The following MS4A4E variants were observed in gnomAD, a reference collection of about 807,000 sequenced individuals.
MS4A4E encodes the protein membrane spanning 4-domains A4E, also known as putative membrane-spanning 4-domains subfamily A member 4E.
In MS4A4E, 23 loss-of-function variants were observed where a neutral mutation model predicts 13.3. That is an observed-to-expected ratio of 1.73 (90% CI 1.25 to 2.45). The LOEUF (loss-of-function observed/expected upper bound fraction) is 2.45, where lower values mean the gene tolerates loss of function less well. Ranked by LOEUF, MS4A4E falls within the 30% of genes most tolerant of loss-of-function variation. MS4A4E has a pLI of 0.00. For missense variants in MS4A4E, 144 were observed against 131.2 expected (o/e 1.10, Z -0.48); for synonymous variants, 36 against 45.6 (o/e 0.79, Z 0.85).
chr11:60,231,138 A>C (rs909731186), intron 1 of MS4A4E, among the ~76,000 whole-genome samples: 1 of 152,166 alleles, frequency 6.6e-6, no homozygotes, highest in Admixed American at 6.5e-5. Context: ...TGGGAGAAGG[A>C]GGGTGAATTT....
chr11:60,225,757 G>T (rs1164413021), intron 3 of MS4A4E, among the ~76,000 whole-genome samples: 1 of 150,988 alleles, frequency 6.6e-6, no homozygotes, highest in African/African-American at 2.4e-5. Context: ...AAAAAGAAAA[G>T]CAAATTAAAC....
At position 60,201,574 on chromosome 11, in the gene MS4A4E, C is replaced by A; in HGVS notation, c.965G>T (p.Arg322Met). 1 of 325,044 alleles carries A rather than the reference C, an allele frequency of 3.1e-6. No individual in the cohort carries two copies. Among genetic ancestry groups the A allele is most frequent in the Non-Finnish European group, 6.2e-6 (1 of 161,826 alleles). 20.1% of individuals were successfully genotyped at this position (325,044 alleles called of 1,614,324 possible). A position where few individuals can be genotyped will look rare whatever the true frequency, so the allele number is the denominator to read the frequency against. Residue 322 changes from arginine to methionine, a missense_variant, in exon 9 of 9, where the codon AGG becomes ATG. By Grantham distance (91) the Arg-to-Met change is moderately conservative (BLOSUM62 -1). Around this residue, in one of 3 missense-constraint regions of MS4A4E, gnomAD observed 21 missense variants for 25.1 expected, o/e 0.84. Transcript: ENST00000651255. ...GATGGGCGGCCGGGCGGAGACACTC[C>A]TCACCTCCCAGATGGGATGGTGGCC... is the stretch of plus-strand genomic sequence containing the variant. ...LPGHHPIWEV[R>M]SVSARPPIF is the part of the protein sequence containing the mutation.
chr11:60,240,872 A>G (rs1180885318), intron 1 of MS4A4E, among the ~76,000 whole-genome samples: 4 of 152,144 alleles, frequency 2.6e-5, no homozygotes, highest in African/African-American at 9.7e-5. Flanking sequence ...CATGTGGATT[A>G]CTCAACCTCT....
chr11:60,234,901 A>G (rs772221675), intron 1 of MS4A4E, among the ~76,000 whole-genome samples: 1 of 151,182 alleles, frequency 6.6e-6, no homozygotes, highest in African/African-American at 2.4e-5. Context: ...AAACAGATCT[A>G]TATGCTATAA....
rs35160855 is a variant in MS4A4E at position 60,212,310 on chromosome 11, C to CTTT, written c.381+661_381+663dup. Among the ~76,000 whole-genome samples, 59 of 137,838 alleles carry CTTT rather than the reference C, an allele frequency of 4.3e-4. 1 individual carries two copies. Among genetic ancestry groups the CTTT allele is most frequent in the African/African-American group, 9.7e-4 (36 of 37,242 alleles). The allele number at this position is 137,838 out of a possible 152,430, so 90.4% of individuals were successfully genotyped here. A position where few individuals can be genotyped will look rare whatever the true frequency, so the allele number is the denominator to read the frequency against. ...ATTATTTGAGAATAGGCACTGACAT[C>CTTT]TTTTTTTTTTTTTTTTTGAGACAGA... On this transcript the variant is annotated intron_variant, in intron 5 of 8. Transcript: ENST00000651255.
chr11:60,213,008 G>A lies in MS4A4E; in HGVS notation c.347C>T (p.Ser116Leu). 1 of 375,888 alleles carries A rather than the reference G, an allele frequency of 2.7e-6. No homozygotes were observed. The highest frequency in any genetic ancestry group is 4.7e-6 in the Non-Finnish European group (1 of 210,938). 23.3% of individuals were successfully genotyped at this position (375,888 alleles called of 1,614,324 possible). A position where few individuals can be genotyped will look rare whatever the true frequency, so the allele number is the denominator to read the frequency against. Reference protein sequence around the residue: ...RYHYCNHDQLSSNCYMTMSIL... With the variant: ...RYHYCNHDQLLSNCYMTMSIL... ...GGACATAGTCATGTAACAATTACTTGACAACTGATCGTGGTTACAGTAATG... is the reference window on the plus strand; with the variant it reads ...GGACATAGTCATGTAACAATTACTTAACAACTGATCGTGGTTACAGTAATG... Residue 116 changes from serine (S) to leucine (L), a missense_variant, in exon 5 of 9, where the codon TCA becomes TTA. Ser to Leu is a moderately radical substitution (Grantham distance 145, BLOSUM62 -2). Around this residue, in one of 3 missense-constraint regions of MS4A4E, gnomAD observed 119 missense variants for 88.7 expected, o/e 1.34. Coordinates refer to ENST00000651255, the MANE Select transcript of MS4A4E (RefSeq NM_001393391.1).
rs558505720 is a variant in MS4A4E, at chr11:60,229,121, C to T, written c.145-494G>A. ...GGAAGTTGATAATTGAAAAGCTATG[C>T]ATGTGTCGGGGCAAGGGGCATATGG... On this transcript the variant is annotated intron_variant, in intron 2 of 8. Coordinates refer to ENST00000651255, the MANE Select transcript of MS4A4E (RefSeq NM_001393391.1). Among the ~76,000 whole-genome samples, 4 of 152,306 alleles carry T rather than the reference C, an allele frequency of 2.6e-5. No individual in the cohort carries two copies. The East Asian group carries it at 7.7e-4, about 29-fold the overall frequency.
In MS4A4E at chr11:60,201,557, G is replaced by A. The variant is rs1422320971; in HGVS notation, c.982C>T (p.Pro328Ser). The change falls in exon 9 of 9, where the codon CCG becomes TCG. Residue 328 changes from proline to serine, a missense_variant. This residue lies in a region of MS4A4E where 21 missense variants were observed against 25.1 expected (regional missense o/e 0.84). Coordinates refer to ENST00000651255, the MANE Select transcript of MS4A4E (RefSeq NM_001393391.1). ...IWEVRSVSAR[P>S]PIF ...CTCCCCACATCTCAGAAGATGGGCG[G>A]CCGGGCGGAGACACTCCTCACCTCC... 1 of 313,270 alleles carries A rather than the reference G, an allele frequency of 3.2e-6. No individual in the cohort carries two copies. Among genetic ancestry groups the A allele is most frequent in the Non-Finnish European group, 6.4e-6 (1 of 155,686 alleles). The allele number at this position is 313,270 out of a possible 1,614,324, so 19.4% of individuals were successfully genotyped here.
chr11:60,219,258 G>A (rs537999116), intron 3 of MS4A4E, among the ~76,000 whole-genome samples: 1 of 152,284 alleles, frequency 6.6e-6, no homozygotes, highest in South Asian at 2.1e-4. Context: ...AGTAGAAACT[G>A]TAGTCACTCA....
chr11:60,208,817 A>G (rs2084081946), intron 5 of MS4A4E, 123 bp from the exon 6 acceptor site: 4 of 417,574 alleles, frequency 9.6e-6, no homozygotes, highest in South Asian at 5.8e-5. Flanking sequence ...CTGCCTCCCA[A>G]TGGCAGCCAT....
At position 60,214,640 on chromosome 11, in the gene MS4A4E, GA is replaced by G; in HGVS notation, c.179-27del. On this transcript the variant is annotated intron_variant, in intron 3 of 8. Transcript: ENST00000651255. The stretch of plus-strand genomic sequence containing the variant: ...CTGAAATAATAAAATAAGAATGAGA[GA>G]AAAAAATGGAGATAAAAAGTTTTAA... 3.5e-6 allele frequency: 5 copies of G among 1,437,118 alleles called. No homozygotes were observed. The East Asian group carries it at 7.6e-5, about 22-fold the overall frequency. 89.0% of individuals were successfully genotyped at this position (1,437,118 alleles called of 1,614,324 possible).
intron 1 of MS4A4E, among the ~76,000 whole-genome samples, chr11:60,240,528 C>T (rs1377452935): frequency 6.6e-6 from 1 of 152,140 alleles, no homozygotes; most frequent in Non-Finnish European, 1.5e-5. Context: ...ATTTCACCAC[C>T]TTTAGTATAA....
chr11:60,203,677 A>G (rs1020436879), intron 8 of MS4A4E, among the ~76,000 whole-genome samples: 3 of 152,190 alleles, frequency 2.0e-5, no homozygotes, highest in Non-Finnish European at 4.4e-5. Context: ...TAAGCCAAGG[A>G]GGTGGAGGTT....
chr11:60,216,505 G>T (rs1326173215), intron 3 of MS4A4E, among the ~76,000 whole-genome samples: 1 of 152,030 alleles, frequency 6.6e-6, no homozygotes, highest in Non-Finnish European at 1.5e-5. Flanking sequence ...TTGTGGTGAT[G>T]ATGTGAAATA....
intron 1 of MS4A4E, among the ~76,000 whole-genome samples, chr11:60,235,981 T>C (rs1480614780): frequency 3.9e-5 from 6 of 152,238 alleles, no homozygotes; most frequent in African/African-American, 1.4e-4. Context: ...TTCTTTTGCA[T>C]GTGAATCTGA....
chr11:60,213,907 T>C (rs1488299874), intron 4 of MS4A4E, among the ~76,000 whole-genome samples: 1 of 150,290 alleles, frequency 6.7e-6, no homozygotes. Flanking sequence ...GGAATCTACT[T>C]TTTTTTTTTC....
chr11:60,203,570 G>A (rs897738030), intron 8 of MS4A4E, among the ~76,000 whole-genome samples: 4 of 152,070 alleles, frequency 2.6e-5, no homozygotes, highest in South Asian at 2.1e-4. Flanking sequence ...GCAACATGGC[G>A]AAACCTTGTC....
At chr11:60,237,567 G>A (rs2084498960) in intron 1 of MS4A4E, among the ~76,000 whole-genome samples, 1 of 152,226 alleles carries the variant, frequency 6.6e-6, no homozygotes, top group South Asian at 2.1e-4. Flanking sequence ...CACCAACAGT[G>A]TATTAATATT....
At chr11:60,225,206 A>G (rs756350943) in intron 3 of MS4A4E, 12 of 1,016,714 alleles carry the variant, frequency 1.2e-5, no homozygotes, top group Non-Finnish European at 1.6e-5. Flanking sequence ...TAGTCATATG[A>G]CCTTGATATT....
Sources: gnomAD v4.1 joint callset for allele counts (sites outside exome capture counted in the v4.1 genomes callset) on GRCh38, gnomAD v4.1.1 for gene constraint, gnomAD v4.1.1 regional missense constraint, MANE v1.5 for transcripts, NCBI Gene and HGNC (gene_info 2026-07-23, HGNC 2026-07-21) for gene names.